The following COBLL1 variants were observed in gnomAD, a reference collection of about 807,000 sequenced individuals.
COBLL1 encodes cordon-bleu protein-like 1.
In COBLL1, 50 loss-of-function variants were observed where a neutral mutation model predicts 94.8. The observed-to-expected ratio is 0.53, with a 90% confidence interval of 0.42 to 0.67. COBLL1 has a LOEUF of 0.67. COBLL1 is among the 30% of genes least tolerant of loss of function. The pLI is 0.00. For missense variants in COBLL1, 1,362 were observed against 1,348.7 expected (o/e 1.01, Z -0.15); for synonymous variants, 448 against 473.8 (o/e 0.95, Z 0.71).
chr2:164,697,211 A>T (rs1684001806), intron 11 of COBLL1: 1 of 152,174 alleles, frequency 6.6e-6, no homozygotes, highest in South Asian at 2.1e-4. Flanking sequence ...GTGTTGCAAG[A>T]TTCCTATATT....
At position 164,777,828 on chromosome 2, in the gene COBLL1, A is replaced by T. The variant is rs559568886; in HGVS notation, c.42-33953T>A. 1.9e-4 allele frequency among the ~76,000 whole-genome samples: 29 copies of T among 152,278 alleles called. No homozygotes were observed. In the East Asian group the frequency reaches 3.7e-3, roughly 19 times the overall value. ...GCAATAGTACAGGCTATTCAGATCT[A>T]ACTAATTAATACTCTGGGAAACAAG... is the stretch of plus-strand genomic sequence containing the variant. On this transcript the variant is annotated intron_variant, in intron 2 of 13. Coordinates refer to ENST00000652658, the MANE Select transcript of COBLL1 (RefSeq NM_001365672.2).
At chr2:164,666,088 G>C (rs1282481162) in intron 1 of COBLL1, among the ~76,000 whole-genome samples, 1 of 152,042 alleles carries the variant, frequency 6.6e-6, no homozygotes, top group Non-Finnish European at 1.5e-5. Flanking sequence ...TTTATGTATT[G>C]AAACATCACT....
chr2:164,707,541 TACTATACAGTTG>T (rs1558940350), intron 7 of COBLL1, among the ~76,000 whole-genome samples: 1 of 152,222 alleles, frequency 6.6e-6, no homozygotes. Flanking sequence ...CTCTCTAACA[TACTATACAGTTG>T]ACTTATTTGC....
chr2:164,735,530 G>A (rs1415764127), intron 3 of COBLL1, among the ~76,000 whole-genome samples: 1 of 152,138 alleles, frequency 6.6e-6, no homozygotes, highest in Non-Finnish European at 1.5e-5. Context: ...TTTTGAGGTT[G>A]GGAATTACTG....
At position 164,765,202 on chromosome 2, in the gene COBLL1, T is replaced by C. The variant is rs531045575; in HGVS notation, c.42-21327A>G. Among the ~76,000 whole-genome samples, 7 of 152,302 alleles carry C rather than the reference T, an allele frequency of 4.6e-5. No homozygotes were observed. In the South Asian group the frequency reaches 1.0e-3, roughly 23 times the overall value. ...CAGACATCATGCGCTTCATGACACG[T>C]TGCAATGGAATGCATACAGTACCAC... On this transcript the variant is annotated intron_variant, in intron 2 of 13. Transcript: ENST00000652658.
At chr2:164,795,752 A>C (rs759176947) in intron 2 of COBLL1, among the ~76,000 whole-genome samples, 1 of 152,228 alleles carries the variant, frequency 6.6e-6, no homozygotes, top group Non-Finnish European at 1.5e-5. Flanking sequence ...TAGTGTGATC[A>C]ACAATCTTAA....
upstream of COBLL1, chr2:164,841,998 G>A: frequency 6.5e-7 from 1 of 1,540,002 alleles, no homozygotes; most frequent in East Asian, 2.5e-5. The surrounding 1 kb of genome is among the most constrained non-coding windows in gnomAD (Gnocchi z 5.5). Flanking sequence ...GCTCGCCGCC[G>A]CCTCTGCAGC....
At chr2:164,805,972 C>A (rs1016440363) in intron 2 of COBLL1, among the ~76,000 whole-genome samples, 10 of 152,338 alleles carry the variant, frequency 6.6e-5, no homozygotes, top group South Asian at 2.1e-4. Context: ...TTGCTCTACA[C>A]TCTCTCCAGC....
intron 11 of COBLL1, chr2:164,696,067 T>C (rs1165800335): frequency 1.7e-5 from 7 of 423,534 alleles, no homozygotes; most frequent in African/African-American, 8.3e-5. Context: ...CACAACATGT[T>C]AATTAACCCC....
At chr2:164,761,132 G>A (rs948695386) in intron 2 of COBLL1, among the ~76,000 whole-genome samples, 3 of 152,190 alleles carry the variant, frequency 2.0e-5, no homozygotes, top group Non-Finnish European at 2.9e-5. Context: ...ATACTGGCCA[G>A]GCACGGTGGC....
intron 3 of COBLL1, among the ~76,000 whole-genome samples, chr2:164,741,758 G>T (rs1167288674): frequency 6.6e-6 from 1 of 152,056 alleles, no homozygotes; most frequent in Non-Finnish European, 1.5e-5. Flanking sequence ...AAAAATCTAG[G>T]GTGCTTGTAA....
chr2:164,702,558 C>CAAAAAAAAAA (rs56011410), intron 9 of COBLL1, among the ~76,000 whole-genome samples: 8 of 82,112 alleles, frequency 9.7e-5, no homozygotes, highest in African/African-American at 2.7e-4. Flanking sequence ...TGAGACTCCT[C>CAAAAAAAAAA]AAAAAAAAAA....
intron 2 of COBLL1, among the ~76,000 whole-genome samples, chr2:164,745,020 G>A (rs1686795934): frequency 6.6e-6 from 1 of 152,108 alleles, no homozygotes; most frequent in Non-Finnish European, 1.5e-5. Flanking sequence ...AGGCTAATTG[G>A]TTTTAGAAAA....
intron 2 of COBLL1, chr2:164,773,753 T>C: frequency 7.7e-7 from 1 of 1,297,354 alleles, no homozygotes; most frequent in Non-Finnish European, 1.0e-6. Context: ...CCTCTAGCGC[T>C]TTACTTTTAG....
chr2:164,771,089 C>T (rs148588837), intron 2 of COBLL1, among the ~76,000 whole-genome samples: 8 of 152,008 alleles, frequency 5.3e-5, no homozygotes, highest in African/African-American at 1.9e-4. Flanking sequence ...TACCACTTTT[C>T]TTATAAAAAG....
intron 2 of COBLL1, among the ~76,000 whole-genome samples, chr2:164,664,005 T>A (rs1691111023): frequency 6.6e-6 from 1 of 152,230 alleles, no homozygotes; most frequent in Non-Finnish European, 1.5e-5. Context: ...CTAAAATGTA[T>A]AATCTTATAC....
chr2:164,792,789 T>TC (rs1325365202), intron 2 of COBLL1, among the ~76,000 whole-genome samples: 3 of 152,084 alleles, frequency 2.0e-5, no homozygotes, highest in African/African-American at 7.2e-5. Context: ...ATTTAATCTT[T>TC]CCCCCTGGAG....
At chr2:164,691,324 A>G (rs912305872) in intron 13 of COBLL1, among the ~76,000 whole-genome samples, 3 of 152,152 alleles carry the variant, frequency 2.0e-5, no homozygotes, top group African/African-American at 7.2e-5. Flanking sequence ...ATTTCTGTTG[A>G]GCTCAATGTT....
intron 2 of COBLL1, among the ~76,000 whole-genome samples, chr2:164,755,529 A>G (rs355825): frequency 0.2 from 29,798 of 152,088 alleles, 3,130 homozygotes; most frequent in Middle Eastern, 0.26. Flanking sequence ...GAACATAGCA[A>G]TTATGTAAAG....
Sources: gnomAD v4.1 joint callset for allele counts (sites outside exome capture counted in the v4.1 genomes callset) on GRCh38, gnomAD v4.1.1 for gene constraint, Gnocchi (gnomAD v3.1) non-coding constraint, MANE v1.5 for transcripts, NCBI Gene and HGNC (gene_info 2026-07-23, HGNC 2026-07-21) for gene names.